Variants in CSTPP1 observed in about 807,000 individuals in gnomAD.
CSTPP1 encodes UPF0705 protein C11orf49.
chr11:46,971,516 G>C, the CSTPP1 span, among the ~76,000 whole-genome samples: 1 of 152,098 alleles, frequency 6.6e-6, no homozygotes, highest in Non-Finnish European at 1.5e-5. Flanking sequence ...TAACTCAAAA[G>C]AGAAAAGAAA....
At chr11:47,155,879 C>A in the CSTPP1 span, 1 of 152,914 alleles carries the variant, frequency 6.5e-6, no homozygotes, top group Non-Finnish European at 1.5e-5. Flanking sequence ...CCCCAATTCA[C>A]ACAGCTGCAC....
At chr11:47,045,753 T>C in the CSTPP1 span, among the ~76,000 whole-genome samples, 4 of 152,274 alleles carry the variant, frequency 2.6e-5, no homozygotes, top group Non-Finnish European at 4.4e-5. Context: ...TAATTAATTA[T>C]TGATTTTTTT....
the CSTPP1 span, chr11:47,157,761 G>C: frequency 1.3e-6 from 2 of 1,546,714 alleles, no homozygotes; most frequent in Non-Finnish European, 1.8e-6. Context: ...TATGGATGCA[G>C]AGGTGGCCCT....
the CSTPP1 span, among the ~76,000 whole-genome samples, chr11:47,006,950 A>G: frequency 7.0e-6 from 1 of 143,776 alleles, no homozygotes; most frequent in African/African-American, 2.6e-5. Context: ...ACCTTTTCAT[A>G]GTATTCTCTG....
At chr11:47,154,837 G>T in the CSTPP1 span, 5 of 392,520 alleles carry the variant, frequency 1.3e-5, no homozygotes, top group Non-Finnish European at 2.3e-5. Flanking sequence ...AGAAACCTTG[G>T]CTGCATTACA....
chr11:47,159,935 C>T, the CSTPP1 span: 4 of 334,930 alleles, frequency 1.2e-5, no homozygotes, highest in East Asian at 8.1e-5. Flanking sequence ...ACCAGGGAGG[C>T]GGAGGTTGCA....
the CSTPP1 span, among the ~76,000 whole-genome samples, chr11:47,105,764 T>C: frequency 6.6e-6 from 1 of 152,212 alleles, no homozygotes; most frequent in African/African-American, 2.4e-5. Flanking sequence ...TCTTACTTCC[T>C]ACCCTCTGTG....
the CSTPP1 span, among the ~76,000 whole-genome samples, chr11:47,060,088 A>G: frequency 6.8e-6 from 1 of 147,138 alleles, no homozygotes; most frequent in African/African-American, 2.5e-5. Context: ...TAGGCAACAG[A>G]GCGAGACTCT....
chr11:47,098,010 C>T, the CSTPP1 span, among the ~76,000 whole-genome samples: 82 of 54,704 alleles, frequency 1.5e-3, no homozygotes, highest in African/African-American at 5.4e-3. Flanking sequence ...ACCTTACCCC[C>T]AACCCTGTGC....
the CSTPP1 span, among the ~76,000 whole-genome samples, chr11:47,037,723 G>C: frequency 2.4e-5 from 3 of 125,684 alleles, 1 homozygote; most frequent in Non-Finnish European, 5.7e-5. Flanking sequence ...AGATCAACAG[G>C]ATCCCAAGGC....
At chr11:47,119,007 C>A in the CSTPP1 span, among the ~76,000 whole-genome samples, 1 of 152,234 alleles carries the variant, frequency 6.6e-6, no homozygotes, top group African/African-American at 2.4e-5. Context: ...CAGACAGGGA[C>A]GTTTAAGTCT....
chr11:47,013,574 T>C, the CSTPP1 span, among the ~76,000 whole-genome samples: 2 of 152,228 alleles, frequency 1.3e-5, no homozygotes, highest in Admixed American at 1.3e-4. Context: ...GCAAAGGACA[T>C]GACCTCATTC....
the CSTPP1 span, among the ~76,000 whole-genome samples, chr11:47,025,930 G>T: frequency 8.5e-5 from 13 of 152,294 alleles, no homozygotes; most frequent in East Asian, 1.9e-3. Flanking sequence ...ATGAAACTAT[G>T]GTATGTGATC....
At chr11:47,071,594 G>A in the CSTPP1 span, among the ~76,000 whole-genome samples, 13 of 152,098 alleles carry the variant, frequency 8.5e-5, no homozygotes, top group Non-Finnish European at 1.5e-4. Context: ...CTTATTGTAG[G>A]TGCTTGATAA....
the CSTPP1 span, among the ~76,000 whole-genome samples, chr11:46,960,552 A>G: frequency 6.6e-6 from 1 of 152,166 alleles, no homozygotes; most frequent in East Asian, 1.9e-4. Context: ...TTCACTTAGC[A>G]TAATGTTTTT....
At chr11:47,065,674 A>G in the CSTPP1 span, among the ~76,000 whole-genome samples, 2 of 151,878 alleles carry the variant, frequency 1.3e-5, no homozygotes, top group East Asian at 3.8e-4. Context: ...TGCTATTGTA[A>G]ATGGAATTGT....
chr11:47,056,422 G>A, the CSTPP1 span, among the ~76,000 whole-genome samples: 1 of 152,106 alleles, frequency 6.6e-6, no homozygotes, highest in Non-Finnish European at 1.5e-5. Flanking sequence ...TTACTATCAC[G>A]AGGGATTCAT....
chr11:47,161,428 C>A, the CSTPP1 span: 1 of 1,611,436 alleles, frequency 6.2e-7, no homozygotes. Context: ...GTACAGGAGG[C>A]CTCTCGCTGC....
At chr11:47,099,766 G>A in the CSTPP1 span, among the ~76,000 whole-genome samples, 3 of 152,140 alleles carry the variant, frequency 2.0e-5, no homozygotes, top group Admixed American at 2.0e-4. Flanking sequence ...AAAAAGATTA[G>A]CCTTTTCCTG....
Sources: gnomAD v4.1 joint callset for allele counts (sites outside exome capture counted in the v4.1 genomes callset) on GRCh38, gnomAD v4.1.1 for gene constraint, MANE v1.5 for transcripts, NCBI Gene and HGNC (gene_info 2026-07-23, HGNC 2026-07-21) for gene names.